Variants in ISM1 observed in about 807,000 individuals in gnomAD.
The protein encoded by ISM1 is isthmin-1.
Under a neutral mutation model 46.3 loss-of-function variants are expected in ISM1, and 25 were observed. The ratio of observed to expected loss-of-function variants is 0.54; its 90% CI spans 0.39 to 0.75. The LOEUF (loss-of-function observed/expected upper bound fraction) is 0.75, where lower values mean the gene tolerates loss of function less well. Among genes scored for constraint, ISM1 ranks in the 30% least tolerant of loss-of-function variants. The pLI, the probability that ISM1 is intolerant of heterozygous loss-of-function variation, is 0.00. For synonymous variants in ISM1, 255 were observed against 256.7 expected, an observed-to-expected ratio of 0.99 and a Z score of 0.06; for missense variants, 536 against 625.4, an observed-to-expected ratio of 0.86 and a Z score of 1.52.
intron 1 of ISM1, among the ~76,000 whole-genome samples, chr20:13,229,525 A>T (rs74975635): frequency 9.6e-4 from 147 of 152,350 alleles, no homozygotes; most frequent in African/African-American, 3.5e-3. Context: ...TTGCTAAATG[A>T]TAGTCCACTG....
Position 13,237,507 on chromosome 20 carries a change from C to T in ISM1, c.138+15593C>T, listed in dbSNP as rs138190125. 4.3e-3 allele frequency among the ~76,000 whole-genome samples: 647 copies of T among 152,190 alleles called. 2 individuals are homozygous for T. The highest frequency in any genetic ancestry group is 0.015 in the African/African-American group (616 of 41,514). The stretch of plus-strand genomic sequence containing the variant: ...AATTCTGTTTAGGTAAAGTTCAAAA[C>T]CAGGAAAAAGGAACCTGTGCTGTTG... On this transcript the variant is annotated intron_variant, in intron 1 of 5. Transcript: ENST00000262487.
At chr20:13,260,562 A>C (rs1356922496) in intron 1 of ISM1, among the ~76,000 whole-genome samples, 1 of 150,834 alleles carries the variant, frequency 6.6e-6, no homozygotes, top group Non-Finnish European at 1.5e-5. Flanking sequence ...TAATCTCCCC[A>C]CCCTCAATTT....
rs143398293 is a variant in ISM1, at chr20:13,275,624, T to C, written c.379-4010T>C. On this transcript the variant is annotated intron_variant, in intron 2 of 5. Transcript: ENST00000262487. The stretch of plus-strand genomic sequence containing the variant: ...CTTGTCTATAAAATTGGAATGACAA[T>C]ACTACATATGAGCAGCTATGTAGTA... 9.8e-5 allele frequency among the ~76,000 whole-genome samples: 15 copies of C among 152,356 alleles called. No individual in the cohort carries two copies. In the East Asian group the frequency reaches 2.9e-3, roughly 29 times the overall value.
intron 1 of ISM1, among the ~76,000 whole-genome samples, chr20:13,228,629 C>A (rs1332637646): frequency 6.6e-6 from 1 of 151,952 alleles, no homozygotes; most frequent in African/African-American, 2.4e-5. Flanking sequence ...AGATTCAGGG[C>A]TTTAGCTGTT....
chr20:13,261,332 C>A (rs766304692), intron 1 of ISM1, among the ~76,000 whole-genome samples: 3 of 151,714 alleles, frequency 2.0e-5, no homozygotes, highest in Non-Finnish European at 2.9e-5. Flanking sequence ...GCAGGAGAAT[C>A]GCCTGAACCC....
In ISM1 at chr20:13,282,455, T is replaced by A. The variant is rs1011493013; in HGVS notation, c.643+2557T>A. Among the ~76,000 whole-genome samples, 7 of 152,358 alleles carry A rather than the reference T, an allele frequency of 4.6e-5. No homozygotes were observed. The East Asian group carries it at 1.4e-3, about 29-fold the overall frequency. On this transcript the variant is annotated intron_variant, in intron 3 of 5. Transcript: ENST00000262487. ...TCTAAAGCCTTTACAGAGTACAGTT[T>A]GCTGAATTTATGAGCATTAAGAACA...
intron 2 of ISM1, among the ~76,000 whole-genome samples, chr20:13,277,476 T>C (rs1308086854): frequency 2.6e-5 from 4 of 152,152 alleles, no homozygotes; most frequent in Non-Finnish European, 4.4e-5. Context: ...GCCCTGTCAC[T>C]GCCCAGCTTG....
chr20:13,312,355 G>A, the ISM1 span, among the ~76,000 whole-genome samples: 12 of 152,130 alleles, frequency 7.9e-5, no homozygotes, highest in African/African-American at 2.4e-4. Context: ...AAATGTCGTG[G>A]GTGAGACATC....
chr20:13,249,779 CGTTTTGTTTTGTTTTGTTTTGTTTT>C lies in ISM1; in HGVS notation c.139-20690_139-20666del, dbSNP rs33933656. ...TCTCAGCCTCCATCATTTTTTGTTG[CGTTTTGTTTTGTTTTGTTTTGTTTT>C]GTTTTGTTTTGTTTTGTTTTGTTTT... is the stretch of plus-strand genomic sequence containing the variant. On this transcript the variant is annotated intron_variant, in intron 1 of 5. Coordinates refer to ENST00000262487, the MANE Select transcript of ISM1 (RefSeq NM_080826.2). Among the ~76,000 whole-genome samples the C allele has an allele frequency of 2.0e-3, 282 of 141,788 alleles. 1 individual carries two copies. The highest frequency in any genetic ancestry group is 7.5e-3 in the Middle Eastern group (2 of 266). The allele number at this position is 141,788 out of a possible 152,430, so 93.0% of individuals were successfully genotyped here.
intron 1 of ISM1, among the ~76,000 whole-genome samples, chr20:13,244,843 C>T (rs2039775129): frequency 6.6e-6 from 1 of 152,148 alleles, no homozygotes; most frequent in Non-Finnish European, 1.5e-5. Context: ...ATCTGCTTTG[C>T]CTGGTGTATA....
chr20:13,225,545 G>C (rs1356211583), intron 1 of ISM1, among the ~76,000 whole-genome samples: 2 of 152,072 alleles, frequency 1.3e-5, no homozygotes, highest in African/African-American at 2.4e-5. Context: ...TTGTATGACT[G>C]TCTCCCCTAG....
chr20:13,224,660 A>C (rs1009040683), intron 1 of ISM1, among the ~76,000 whole-genome samples: 38 of 151,658 alleles, frequency 2.5e-4, no homozygotes, highest in Non-Finnish European at 4.4e-4. Flanking sequence ...TGGTGAGTTT[A>C]TTTACCTGAA....
At chr20:13,274,370 G>A (rs1219652945) in intron 2 of ISM1, among the ~76,000 whole-genome samples, 3 of 152,112 alleles carry the variant, frequency 2.0e-5, no homozygotes, top group African/African-American at 4.8e-5. Context: ...CCCTCTCCCT[G>A]GGTAGCAGAG....
intron 1 of ISM1, among the ~76,000 whole-genome samples, chr20:13,242,264 T>G (rs1426914064): frequency 6.6e-6 from 1 of 152,170 alleles, no homozygotes; most frequent in Admixed American, 6.5e-5. Flanking sequence ...TAAAGAAGAC[T>G]AAGCCAGAAG....
chr20:13,262,999 C>A (rs2040004625), intron 1 of ISM1, among the ~76,000 whole-genome samples: 1 of 152,170 alleles, frequency 6.6e-6, no homozygotes, highest in African/African-American at 2.4e-5. Context: ...AGGACTGAGA[C>A]CCTCCTGAAT....
chr20:13,308,659 G>A, the ISM1 span, among the ~76,000 whole-genome samples: 64 of 152,122 alleles, frequency 4.2e-4, no homozygotes, highest in Non-Finnish European at 7.2e-4. Flanking sequence ...TAGGCTATTC[G>A]TATTGTCAAA....
intron 1 of ISM1, among the ~76,000 whole-genome samples, chr20:13,268,111 C>T (rs73078222): frequency 0.067 from 10,033 of 148,832 alleles, 422 homozygotes; most frequent in Non-Finnish European, 0.1. Flanking sequence ...TCTCTCCTCT[C>T]CTGTCTTCTC....
chr20:13,288,720 G>A lies in ISM1; in HGVS notation c.787+37G>A, dbSNP rs1255261151. On this transcript the variant is annotated intron_variant, in intron 4 of 5. Transcript: ENST00000262487. ...TGAGTGTGTAGCTCCAAGTTCAAGG[G>A]GAAAGCTTTTTAATTTATCATTAAA... 7 of 1,574,642 alleles carry A rather than the reference G, an allele frequency of 4.4e-6. No individual in the cohort carries two copies. In the Admixed American group the frequency reaches 7.2e-5, roughly 16 times the overall value.
intron 1 of ISM1, among the ~76,000 whole-genome samples, chr20:13,240,803 G>T (rs1404233015): frequency 4.6e-5 from 7 of 152,232 alleles, no homozygotes; most frequent in African/African-American, 1.7e-4. Context: ...CTGAGACAGA[G>T]CCAACAGGAT....
Sources: allele counts gnomAD v4.1 joint callset (sites outside exome capture counted in the v4.1 genomes callset), GRCh38; gene constraint gnomAD v4.1.1; transcripts MANE v1.5; gene names NCBI Gene and HGNC (gene_info 2026-07-23, HGNC 2026-07-21).